Variants in TNR observed in about 807,000 individuals in gnomAD.
TNR encodes the protein tenascin-R.
A neutral mutation model predicts 150.4 loss-of-function variants in TNR; 45 were observed. That is an observed-to-expected ratio of 0.30 (90% CI 0.24 to 0.38). The LOEUF (loss-of-function observed/expected upper bound fraction) is 0.38, where lower values mean the gene tolerates loss of function less well. Ranked by LOEUF, TNR falls within the 10% of genes least tolerant of loss-of-function variation. The pLI is 1.00. For synonymous variants in TNR, 687 were observed against 678.4 expected, an observed-to-expected ratio of 1.01 and a Z score of -0.20; for missense variants, 1,544 against 1,759.1, an observed-to-expected ratio of 0.88 and a Z score of 2.19.
intron 18 of TNR, 26 bp downstream of exon 18, chr1:175,354,365 G>T: frequency 6.2e-7 from 1 of 1,611,152 alleles, no homozygotes. Flanking sequence ...GGAGAAGAAG[G>T]CATCAAAGTG....
chr1:175,415,107 A>G (rs1187843569), intron 2 of TNR, among the ~76,000 whole-genome samples: 1 of 150,864 alleles, frequency 6.6e-6, no homozygotes, highest in Non-Finnish European at 1.5e-5. Context: ...TTTATAAACC[A>G]GAACTATATC....
chr1:175,475,963 T>C (rs551060772), intron 2 of TNR, among the ~76,000 whole-genome samples: 1 of 152,308 alleles, frequency 6.6e-6, no homozygotes, highest in South Asian at 2.1e-4. Context: ...AAGCTATCTC[T>C]GCAGGATAAG....
rs1009388339 is a variant in TNR at position 175,599,123 on chromosome 1, G to T, written c.-164-70754C>A. 6.7e-6 allele frequency among the ~76,000 whole-genome samples: 1 copy of T among 149,570 alleles called. No individual in the cohort carries two copies. Among genetic ancestry groups the T allele is most frequent in the African/African-American group, 2.6e-5 (1 of 39,000 alleles). The stretch of plus-strand genomic sequence containing the variant: ...CCAGCCTCTATGGGCCCCGGGTTGC[G>T]GGGGGTCACCAATTTGCAGAGCTGA... On this transcript the variant is annotated intron_variant, in intron 1 of 22. Coordinates refer to ENST00000367674, the MANE Select transcript of TNR (RefSeq NM_003285.3). This position sits in a 1 kb window ranked among gnomAD's most constrained non-coding sequence, Gnocchi z 4.7.
At position 175,626,870 on chromosome 1, in the gene TNR, G is replaced by A. The variant is rs1305327256; in HGVS notation, c.-164-98501C>T. On this transcript the variant is annotated intron_variant, in intron 1 of 22. Coordinates refer to ENST00000367674, the MANE Select transcript of TNR (RefSeq NM_003285.3). Reference sequence around the variant, plus strand: ...AGGTGAAGCCTCAATCTAATGACAAGTGATAAAAGGCAGAAGAGAAGAAAA... The same window carrying A: ...AGGTGAAGCCTCAATCTAATGACAAATGATAAAAGGCAGAAGAGAAGAAAA... Among the ~76,000 whole-genome samples the A allele has an allele frequency of 1.3e-5, 2 of 152,148 alleles. 1 individual carries two copies.
intron 1 of TNR, among the ~76,000 whole-genome samples, chr1:175,540,521 A>G (rs1478058567): frequency 6.6e-6 from 1 of 152,204 alleles, no homozygotes; most frequent in African/African-American, 2.4e-5. Flanking sequence ...TGTTGCTGTG[A>G]CAGCCCAGTC....
At chr1:175,356,227 C>A (rs532792980) in intron 16 of TNR, 92 bp downstream of exon 16, 14 of 1,536,036 alleles carry the variant, frequency 9.1e-6, no homozygotes, top group Admixed American at 8.8e-5. Flanking sequence ...CTGTCCAAAG[C>A]CTGTAAGTGA....
chr1:175,404,434 G>A (rs986995667), intron 3 of TNR, among the ~76,000 whole-genome samples: 2 of 152,126 alleles, frequency 1.3e-5, no homozygotes, highest in African/African-American at 2.4e-5. Context: ...GGGATTCTAC[G>A]CATGTCTCTG....
At chr1:175,414,761 C>T (rs981229254) in intron 2 of TNR, among the ~76,000 whole-genome samples, 1 of 152,190 alleles carries the variant, frequency 6.6e-6, no homozygotes, top group Non-Finnish European at 1.5e-5. Flanking sequence ...TTTCCTCTTC[C>T]TCCCCCACAT....
At position 175,323,318 on chromosome 1, in the gene TNR, A is replaced by G; in HGVS notation, c.*39T>C. 12 of 1,608,642 alleles carry G rather than the reference A, an allele frequency of 7.5e-6. No individual in the cohort carries two copies. Among genetic ancestry groups the G allele is most frequent in the Non-Finnish European group, 9.3e-6 (11 of 1,177,456 alleles). Reference sequence around the variant, plus strand: ...GTTTCATATTATAAAATACAAACAAATGACAGAAAATATTGGTTGGCTTGC... The same window carrying G: ...GTTTCATATTATAAAATACAAACAAGTGACAGAAAATATTGGTTGGCTTGC... On this transcript the variant is annotated 3_prime_UTR_variant, in exon 23 of 23. Transcript: ENST00000367674.
chr1:175,517,957 A>G (rs923428724), intron 2 of TNR, among the ~76,000 whole-genome samples: 2 of 152,192 alleles, frequency 1.3e-5, no homozygotes, highest in Admixed American at 1.3e-4. Flanking sequence ...CCCAGAGCCC[A>G]GTGTGCTAGA....
At chr1:175,594,368 C>G (rs1253797158) in intron 1 of TNR, among the ~76,000 whole-genome samples, 1 of 152,106 alleles carries the variant, frequency 6.6e-6, no homozygotes, top group Non-Finnish European at 1.5e-5. Flanking sequence ...TTCTCCCACC[C>G]CTTTTGTTCC....
At position 175,320,973 on chromosome 1, in the gene TNR, A is replaced by G. The variant is rs947262109; in HGVS notation, c.*2384T>C. 1 of 152,220 alleles carries G rather than the reference A, an allele frequency of 6.6e-6. No individual in the cohort carries two copies. Among genetic ancestry groups the G allele is most frequent in the Admixed American group, 6.5e-5 (1 of 15,280 alleles). 9.4% of individuals were successfully genotyped at this position (152,220 alleles called of 1,614,324 possible). A position where few individuals can be genotyped will look rare whatever the true frequency, so the allele number is the denominator to read the frequency against. On this transcript the variant is annotated 3_prime_UTR_variant, in exon 23 of 23. Coordinates refer to ENST00000367674, the MANE Select transcript of TNR (RefSeq NM_003285.3). ...AGAACTCATTCTAGTCTAATCTCTC[A>G]TCTGACAGATGAAGAAACTGGCCCA...
chr1:175,440,243 G>A (rs570720813), intron 2 of TNR, among the ~76,000 whole-genome samples: 2 of 152,098 alleles, frequency 1.3e-5, no homozygotes, highest in Non-Finnish European at 2.9e-5. Flanking sequence ...GATGAAGCTG[G>A]AAACCATCAT....
chr1:175,722,775 T>TTA (rs147425200), intron 1 of TNR, among the ~76,000 whole-genome samples: 8,157 of 148,232 alleles, frequency 0.055, 686 homozygotes, highest in African/African-American at 0.18. Flanking sequence ...CCTATTTTTG[T>TTA]TATATATATA....
chr1:175,648,722 A>C (rs988850383), intron 1 of TNR, among the ~76,000 whole-genome samples: 4 of 151,946 alleles, frequency 2.6e-5, no homozygotes, highest in Non-Finnish European at 5.9e-5. Flanking sequence ...GCTTCCTTCA[A>C]GTCATTGTTC....
chr1:175,323,288 C>A lies in TNR; in HGVS notation c.*69G>T, dbSNP rs1002496959. 1.9e-6 allele frequency: 3 copies of A among 1,589,244 alleles called. No individual in the cohort carries two copies. The highest frequency in any genetic ancestry group is 2.2e-5 in the East Asian group (1 of 44,530). On this transcript the variant is annotated 3_prime_UTR_variant, in exon 23 of 23. Transcript: ENST00000367674. ...CAAAACACATTGCTATTACCCTCCC[C>A]CCTTGTTTCATATTATAAAATACAA...
chr1:175,371,462 C>A (rs980828979), intron 9 of TNR, among the ~76,000 whole-genome samples: 1 of 152,086 alleles, frequency 6.6e-6, no homozygotes, highest in African/African-American at 2.4e-5. Flanking sequence ...AAGACATTAG[C>A]CTTGCCTTTT....
chr1:175,633,164 C>T (rs1229495074), intron 1 of TNR, among the ~76,000 whole-genome samples: 1 of 152,194 alleles, frequency 6.6e-6, no homozygotes, highest in African/African-American at 2.4e-5. Context: ...TGGTTCAAAC[C>T]TACATCCATC....
intron 1 of TNR, among the ~76,000 whole-genome samples, chr1:175,576,017 G>A (rs920661340): frequency 6.6e-6 from 1 of 152,210 alleles, no homozygotes; most frequent in Non-Finnish European, 1.5e-5. Flanking sequence ...CCAGCCAGCA[G>A]CTATTTTTTC....
Sources: allele counts gnomAD v4.1 joint callset (sites outside exome capture counted in the v4.1 genomes callset), GRCh38; gene constraint gnomAD v4.1.1; non-coding constraint Gnocchi (gnomAD v3.1); transcripts MANE v1.5; gene names NCBI Gene and HGNC (gene_info 2026-07-23, HGNC 2026-07-21).